Variants in ZSCAN5A observed in about 807,000 individuals in gnomAD.
ZSCAN5A encodes zinc finger and SCAN domain-containing protein 5A.
In ZSCAN5A, 12 loss-of-function variants were observed where a neutral mutation model predicts 23.7. That is an observed-to-expected ratio of 0.51 (90% CI 0.32 to 0.82). ZSCAN5A has a LOEUF of 0.82. Ranked by LOEUF, ZSCAN5A falls within the 40% of genes least tolerant of loss-of-function variation. The pLI is 0.03. For synonymous variants in ZSCAN5A, 257 were observed against 239.9 expected, an observed-to-expected ratio of 1.07 and a Z score of -0.66; for missense variants, 597 against 617.9, an observed-to-expected ratio of 0.97 and a Z score of 0.36.
intron 2 of ZSCAN5A, among the ~76,000 whole-genome samples, chr19:56,240,103 A>G (rs913977875): frequency 1.3e-5 from 2 of 152,094 alleles, no homozygotes; most frequent in Non-Finnish European, 2.9e-5. Context: ...TGGAGCTTGC[A>G]GTGAGCCGAG....
intron 2 of ZSCAN5A, among the ~76,000 whole-genome samples, chr19:56,288,070 G>C (rs543042181): frequency 6.6e-6 from 1 of 152,296 alleles, no homozygotes; most frequent in African/African-American, 2.4e-5. Context: ...TGATGGTCAC[G>C]AGGCTGGTGT....
chr19:56,279,220 T>C (rs1413237740), intron 2 of ZSCAN5A, among the ~76,000 whole-genome samples: 2 of 151,930 alleles, frequency 1.3e-5, no homozygotes, highest in African/African-American at 4.8e-5. Flanking sequence ...CCCCACCAAG[T>C]AGTCTTTGGA....
At chr19:56,280,020 A>G (rs1396856782) in intron 2 of ZSCAN5A, among the ~76,000 whole-genome samples, 2 of 152,194 alleles carry the variant, frequency 1.3e-5, no homozygotes, top group South Asian at 2.1e-4. Context: ...GTTATACTGG[A>G]AAAAACTCCT....
At chr19:56,245,653 T>C (rs560920605) in intron 2 of ZSCAN5A, among the ~76,000 whole-genome samples, 1 of 152,114 alleles carries the variant, frequency 6.6e-6, no homozygotes, top group South Asian at 2.1e-4. Context: ...GGGTCAGAAA[T>C]GGTCTCAGTG....
chr19:56,365,288 C>T (rs1428098966), intron 1 of ZSCAN5A, among the ~76,000 whole-genome samples: 3 of 152,276 alleles, frequency 2.0e-5, no homozygotes, highest in Middle Eastern at 3.4e-3. Flanking sequence ...TAGCCGACTG[C>T]CTATGGTACA....
intron 2 of ZSCAN5A, among the ~76,000 whole-genome samples, chr19:56,326,329 G>GTGTC (rs1166051163): frequency 6.6e-6 from 1 of 151,960 alleles, no homozygotes; most frequent in African/African-American, 2.4e-5. Context: ...GTGTGTGTGT[G>GTGTC]TGTGTGTGGT....
chr19:56,272,759 C>T (rs902300509), intron 2 of ZSCAN5A: 3 of 553,092 alleles, frequency 5.4e-6, no homozygotes, highest in Non-Finnish European at 6.9e-6. Flanking sequence ...TCCCTGGAGC[C>T]TGGGAAGACG....
intron 2 of ZSCAN5A, among the ~76,000 whole-genome samples, chr19:56,227,467 A>G (rs1387601177): frequency 6.6e-6 from 1 of 152,186 alleles, no homozygotes; most frequent in East Asian, 1.9e-4. Flanking sequence ...CAAGTGTTTG[A>G]TAACAGCCTG....
At chr19:56,274,453 CAAAAAGAA>C (rs1326930721) in intron 2 of ZSCAN5A, 4 of 97,390 alleles carry the variant, frequency 4.1e-5, no homozygotes, top group African/African-American at 7.3e-5. Flanking sequence ...GACTCTGTTT[CAAAAAGAA>C]AAAAAGAAAA....
At chr19:56,320,965 A>C in intron 2 of ZSCAN5A, 1 of 737,722 alleles carries the variant, frequency 1.4e-6, no homozygotes, top group South Asian at 1.4e-5. Context: ...TTTTGATAGC[A>C]GCATTTAGGG....
chr19:56,275,073 T>C (rs1273967529), intron 2 of ZSCAN5A, among the ~76,000 whole-genome samples: 1 of 152,222 alleles, frequency 6.6e-6, no homozygotes, highest in African/African-American at 2.4e-5. Flanking sequence ...GACCACATGA[T>C]GTTGATGTGT....
At chr19:56,322,956 G>A (rs1421864764) in intron 2 of ZSCAN5A, among the ~76,000 whole-genome samples, 15 of 146,598 alleles carry the variant, frequency 1.0e-4, no homozygotes, top group Admixed American at 4.1e-4. Context: ...GTGCAGTGGC[G>A]CGATCTCTGC....
At chr19:56,297,810 C>T (rs1484843858) in intron 2 of ZSCAN5A, 2 of 152,266 alleles carry the variant, frequency 1.3e-5, no homozygotes, top group East Asian at 1.9e-4. Flanking sequence ...CCTCTCTTCC[C>T]GACATGGAAA....
chr19:56,299,463 A>G (rs1182569436), intron 2 of ZSCAN5A, among the ~76,000 whole-genome samples: 1 of 151,872 alleles, frequency 6.6e-6, no homozygotes, highest in Non-Finnish European at 1.5e-5. Flanking sequence ...AAAAAATCTC[A>G]GCTAGCTAGG....
At chr19:56,248,506 G>A (rs1419352723) in intron 2 of ZSCAN5A, among the ~76,000 whole-genome samples, 1 of 152,124 alleles carries the variant, frequency 6.6e-6, no homozygotes, top group Non-Finnish European at 1.5e-5. Flanking sequence ...TGATCTGCCT[G>A]CCTCGGCCCC....
chr19:56,315,184 G>C (rs1486581574), upstream of ZSCAN5A: 1 of 152,328 alleles, frequency 6.6e-6, no homozygotes, highest in African/African-American at 2.4e-5. Flanking sequence ...CGGAAGTCTG[G>C]GAATAAGGCG....
chr19:56,279,023 G>A (rs994272135), intron 2 of ZSCAN5A, among the ~76,000 whole-genome samples: 2 of 152,030 alleles, frequency 1.3e-5, no homozygotes, highest in East Asian at 3.9e-4. Flanking sequence ...ACACACCTGG[G>A]GCAGCCCAAA....
chr19:56,302,325 C>CCCTT (rs368323798), intron 2 of ZSCAN5A, among the ~76,000 whole-genome samples: 3,086 of 143,314 alleles, frequency 0.022, 49 homozygotes, highest in Non-Finnish European at 0.031. Flanking sequence ...TCCCTCCCTC[C>CCCTT]CCTTCCTCCT....
chr19:56,365,967 A>G (rs2041761465), intron 1 of ZSCAN5A: 1 of 152,278 alleles, frequency 6.6e-6, no homozygotes, highest in Non-Finnish European at 1.5e-5. Context: ...GGGAAGAGGA[A>G]GAGTAGCCAT....
Sources: allele counts gnomAD v4.1 joint callset (sites outside exome capture counted in the v4.1 genomes callset), GRCh38; gene constraint gnomAD v4.1.1; transcripts MANE v1.5; gene names NCBI Gene and HGNC (gene_info 2026-07-23, HGNC 2026-07-21).